The following FOXK2 variants were observed in gnomAD, a reference collection of about 807,000 sequenced individuals.
The protein encoded by FOXK2 is forkhead box K2.
A neutral mutation model predicts 53.3 loss-of-function variants in FOXK2; 24 were observed. The ratio of observed to expected loss-of-function variants is 0.45; its 90% CI spans 0.33 to 0.63. The LOEUF is 0.63. Among genes scored for constraint, FOXK2 ranks in the 30% least tolerant of loss-of-function variants. FOXK2 has a pLI of 0.03. For missense variants in FOXK2, 952 were observed against 910.5 expected (o/e 1.05, Z -0.59); for synonymous variants, 505 against 407.1 (o/e 1.24, Z -2.89).
intron 4 of FOXK2, among the ~76,000 whole-genome samples, chr17:82,575,372 A>G (rs566892182): frequency 2.0e-4 from 31 of 152,278 alleles, no homozygotes; most frequent in South Asian, 1.2e-3. Context: ...ACACAGCATA[A>G]ATTCGTAGGT....
intron 1 of FOXK2, among the ~76,000 whole-genome samples, chr17:82,556,308 G>A (rs1158253670): frequency 6.6e-6 from 1 of 152,128 alleles, no homozygotes; most frequent in African/African-American, 2.4e-5. Context: ...GCAGGGCATG[G>A]TGGCGGGCGC....
chr17:82,540,150 G>A (rs993826919), intron 1 of FOXK2, among the ~76,000 whole-genome samples: 4 of 151,614 alleles, frequency 2.6e-5, no homozygotes, highest in African/African-American at 9.7e-5. Flanking sequence ...GTGTGATGGC[G>A]GATGCCTGTA....
chr17:82,564,815 C>G (rs1231565710), intron 2 of FOXK2, among the ~76,000 whole-genome samples: 2 of 150,906 alleles, frequency 1.3e-5, no homozygotes, highest in Non-Finnish European at 2.9e-5. Context: ...ACTGCATCCT[C>G]TGTCTCCCAG....
At chr17:82,595,082 A>G (rs1356974037) in intron 8 of FOXK2, among the ~76,000 whole-genome samples, 10 of 152,204 alleles carry the variant, frequency 6.6e-5, no homozygotes, top group Non-Finnish European at 4.4e-5. Flanking sequence ...GCCGGCATAC[A>G]TTGTCTTTGA....
intron 4 of FOXK2, chr17:82,576,951 G>C: frequency 2.6e-6 from 1 of 391,696 alleles, no homozygotes; most frequent in Non-Finnish European, 4.7e-6. Flanking sequence ...CCTGTGGTTG[G>C]AGGGTTCGAG....
At chr17:82,538,392 G>C in intron 1 of FOXK2, among the ~76,000 whole-genome samples, 1 of 152,146 alleles carries the variant, frequency 6.6e-6, no homozygotes, top group Non-Finnish European at 1.5e-5. Context: ...GGCTAAGATG[G>C]GAAGATCACT....
chr17:82,556,174 G>A lies in FOXK2; in HGVS notation c.420-7180G>A, dbSNP rs1271891489. 6.6e-5 allele frequency among the ~76,000 whole-genome samples: 10 copies of A among 152,082 alleles called. 1 individual carries two copies. Among genetic ancestry groups the A allele is most frequent in the African/African-American group, 7.2e-5 (3 of 41,408 alleles). ...AAGAAAAAGCAAGTTGGCCGGGCAC[G>A]GTGGCTCACGCCTGTAATCCCAGCA... is the stretch of plus-strand genomic sequence containing the variant. On this transcript the variant is annotated intron_variant, in intron 1 of 8. Transcript: ENST00000335255.
At chr17:82,596,953 A>G (rs1001607874) in intron 8 of FOXK2, among the ~76,000 whole-genome samples, 1 of 152,162 alleles carries the variant, frequency 6.6e-6, no homozygotes, top group East Asian at 1.9e-4. Context: ...GCGTGGCGAG[A>G]GCCCCTTGTG....
At position 82,532,332 on chromosome 17, in the gene FOXK2, C is replaced by T. The variant is rs542013297; in HGVS notation, c.419+12025C>T. On this transcript the variant is annotated intron_variant, in intron 1 of 8. Coordinates refer to ENST00000335255, the MANE Select transcript of FOXK2 (RefSeq NM_004514.4). The stretch of plus-strand genomic sequence containing the variant: ...CTAGTTTTTGCATTTTTAGTGGAGA[C>T]GGGGTTTCACCATGTTGGCCAGGCT... Among the ~76,000 whole-genome samples the T allele has an allele frequency of 6.2e-5, 9 of 146,330 alleles. No homozygotes were observed. In the South Asian group the frequency reaches 8.9e-4, roughly 14 times the overall value.
At chr17:82,552,064 G>A (rs1468611915) in intron 1 of FOXK2, among the ~76,000 whole-genome samples, 2 of 152,164 alleles carry the variant, frequency 1.3e-5, no homozygotes, top group Non-Finnish European at 2.9e-5. Context: ...TTCAAAAAAT[G>A]AAGTGGCTTC....
chr17:82,531,993 G>C (rs973329016), intron 1 of FOXK2, among the ~76,000 whole-genome samples: 1 of 150,566 alleles, frequency 6.6e-6, no homozygotes, highest in Admixed American at 6.6e-5. Flanking sequence ...GGCTCACGCC[G>C]CCACGCCCGG....
At chr17:82,574,067 T>G (rs1204603357) in intron 4 of FOXK2, among the ~76,000 whole-genome samples, 1 of 152,230 alleles carries the variant, frequency 6.6e-6, no homozygotes. Flanking sequence ...TGCAGGTGCC[T>G]GCACAGCTCA....
At chr17:82,566,811 C>T (rs1001725870) in intron 2 of FOXK2, among the ~76,000 whole-genome samples, 18 of 152,294 alleles carry the variant, frequency 1.2e-4, no homozygotes, top group African/African-American at 3.4e-4. Context: ...CCCAGGTCCC[C>T]GGGGCCTCCA....
intron 1 of FOXK2, among the ~76,000 whole-genome samples, chr17:82,547,570 G>A (rs1388166616): frequency 4.6e-5 from 7 of 152,050 alleles, no homozygotes; most frequent in Non-Finnish European, 1.0e-4. Context: ...GTGCAATACT[G>A]TAATATAATT....
At position 82,595,008 on chromosome 17, in the gene FOXK2, C is replaced by A. The variant is rs542859962; in HGVS notation, c.1787-6295C>A. On this transcript the variant is annotated intron_variant, in intron 8 of 8. Coordinates refer to ENST00000335255, the MANE Select transcript of FOXK2 (RefSeq NM_004514.4). ...TGAACCGTGATCGCCCCACTGCACT[C>A]CATCCTGGGAGACAGGGTGAGACCC... Among the ~76,000 whole-genome samples the A allele has an allele frequency of 1.4e-4, 22 of 152,296 alleles. 1 individual carries two copies. In the South Asian group the frequency reaches 4.3e-3, roughly 30 times the overall value.
At chr17:82,591,944 C>T (rs1409184630) in intron 8 of FOXK2, among the ~76,000 whole-genome samples, 1 of 151,768 alleles carries the variant, frequency 6.6e-6, no homozygotes, top group Non-Finnish European at 1.5e-5. Flanking sequence ...TGCTCTGTCA[C>T]CCAGGCTGGA....
rs1285213660 is a variant in FOXK2 at position 82,602,739 on chromosome 17, G to C, written c.*1240G>C. On this transcript the variant is annotated 3_prime_UTR_variant, in exon 9 of 9. Transcript: ENST00000335255. Reference sequence around the variant, plus strand: ...GGACGGGGGTGAGGGAATGAGAGTGGGAGGTCCCTGCACCTCCTCGCCCGG... The same window carrying C: ...GGACGGGGGTGAGGGAATGAGAGTGCGAGGTCCCTGCACCTCCTCGCCCGG... The C allele has an allele frequency of 1.3e-5, 2 of 152,282 alleles. No homozygotes were observed. The highest frequency in any genetic ancestry group is 1.9e-4 in the East Asian group (1 of 5,198). The allele number at this position is 152,282 out of a possible 1,614,324, so 9.4% of individuals were successfully genotyped here. A position where few individuals can be genotyped will look rare whatever the true frequency, so the allele number is the denominator to read the frequency against.
In FOXK2 at chr17:82,556,289, C is replaced by G. The variant is rs367763447; in HGVS notation, c.420-7065C>G. 8.6e-5 allele frequency among the ~76,000 whole-genome samples: 13 copies of G among 151,600 alleles called. No individual in the cohort carries two copies. The East Asian group carries it at 2.3e-3, about 27-fold the overall frequency. On this transcript the variant is annotated intron_variant, in intron 1 of 8. Transcript: ENST00000335255. ...TGAAACCCCATCTCTACTAAAAATA[C>G]AAAAATTAGCAGGGCATGGTGGCGG...
chr17:82,587,716 G>A (rs35814094), intron 8 of FOXK2, among the ~76,000 whole-genome samples: 15,094 of 152,222 alleles, frequency 0.099, 934 homozygotes, highest in Non-Finnish European at 0.13. Context: ...AAAACCGCAC[G>A]GATGTTCTGA....
Sources: allele counts gnomAD v4.1 joint callset (sites outside exome capture counted in the v4.1 genomes callset), GRCh38; gene constraint gnomAD v4.1.1; transcripts MANE v1.5; gene names NCBI Gene and HGNC (gene_info 2026-07-23, HGNC 2026-07-21).